The following ZNF396 variants were observed in gnomAD, a reference collection of about 807,000 sequenced individuals.
ZNF396 encodes zinc finger protein 396.
A neutral mutation model predicts 20.5 loss-of-function variants in ZNF396; 14 were observed. The ratio of observed to expected loss-of-function variants is 0.68; its 90% CI spans 0.45 to 1.07. The LOEUF is 1.07. Among genes scored for constraint, ZNF396 ranks in the 50% least tolerant of loss-of-function variants. The probability of loss-of-function intolerance (pLI) is 0.00; values close to 1 mark genes in which losing one functional copy is unlikely to be tolerated. For missense variants in ZNF396, 347 were observed against 390.1 expected (o/e 0.89, Z 0.93); for synonymous variants, 119 against 140.6 (o/e 0.85, Z 1.08).
In ZNF396 at chr18:35,369,223, CT is replaced by C; in HGVS notation, c.999del (p.Val334SerfsTer52). ...TGATTCCCTCATGATACTTATGGGA[CT>C]TTTTTTCTAATGTGTCTTTTCCTAT... ...FRHRKRHIRK[K>X]VP On this transcript the variant is annotated frameshift_variant, in exon 4 of 4. Transcript: ENST00000589332. LOFTEE classifies it high-confidence loss of function. 8 of 1,573,114 alleles carry C rather than the reference CT, an allele frequency of 5.1e-6. No homozygotes were observed. Among genetic ancestry groups the C allele is most frequent in the South Asian group, 1.2e-5 (1 of 85,572 alleles).
chr18:35,373,747 C>T, intron 2 of ZNF396, 129 bp downstream of exon 2: 1 of 1,488,592 alleles, frequency 6.7e-7, no homozygotes, highest in Non-Finnish European at 9.0e-7. Context: ...CTGGGACACC[C>T]ATTAGTACTT....
chr18:35,368,342 G>T lies in ZNF396; in HGVS notation c.*873C>A. ...GCTCTTGTGTGCTTTCATAAGATAAGGCCTTTATTTATCTGCCTCCTGAAA... is the reference window on the plus strand; with the variant it reads ...GCTCTTGTGTGCTTTCATAAGATAATGCCTTTATTTATCTGCCTCCTGAAA... On this transcript the variant is annotated 3_prime_UTR_variant, in exon 4 of 4. Transcript: ENST00000589332. 1 of 1,420,842 alleles carries T rather than the reference G, an allele frequency of 7.0e-7. No individual in the cohort carries two copies. The highest frequency in any genetic ancestry group is 9.3e-7 in the Non-Finnish European group (1 of 1,077,380). The allele number at this position is 1,420,842 out of a possible 1,614,324, so 88.0% of individuals were successfully genotyped here.
At chr18:35,376,669 G>A (rs1343195203) in intron 1 of ZNF396, among the ~76,000 whole-genome samples, 1 of 152,170 alleles carries the variant, frequency 6.6e-6, no homozygotes, top group African/African-American at 2.4e-5. Flanking sequence ...CCGGTTTGGA[G>A]CCGTCAGGTA....
intron 1 of ZNF396, among the ~76,000 whole-genome samples, chr18:35,375,526 A>G (rs562741278): frequency 3.3e-5 from 5 of 152,256 alleles, no homozygotes; most frequent in African/African-American, 1.2e-4. Context: ...TGAGGATCAA[A>G]GGAGAAGAGC....
chr18:35,374,445 A>G lies in ZNF396; in HGVS notation c.-72-81T>C. The G allele has an allele frequency of 1.5e-6, 1 of 672,964 alleles. No individual in the cohort carries two copies. The highest frequency in any genetic ancestry group is 2.0e-5 in the South Asian group (1 of 50,492). The allele number at this position is 672,964 out of a possible 1,614,324, so 41.7% of individuals were successfully genotyped here. ...GAACAAAACAACTAAGATTAGAAAC[A>G]TAAGACTGTATAGGAACTACTGACC... is the stretch of plus-strand genomic sequence containing the variant. On this transcript the variant is annotated intron_variant, in intron 1 of 3. Coordinates refer to ENST00000589332, the MANE Select transcript of ZNF396 (RefSeq NM_001322286.2). The surrounding 1 kb of genome is among the most constrained non-coding windows in gnomAD (Gnocchi z 4.3).
Position 35,373,699 on chromosome 18 carries a change from G to T in ZNF396, c.418-99C>A. The stretch of plus-strand genomic sequence containing the variant: ...CTATGCAAAAAGTATCATGGACACA[G>T]GAAAAGGGAGGGAAAAAGTAGAGCC... On this transcript the variant is annotated intron_variant, in intron 2 of 3. Coordinates refer to ENST00000589332, the MANE Select transcript of ZNF396 (RefSeq NM_001322286.2). The T allele has an allele frequency of 2.6e-6, 4 of 1,522,858 alleles. No homozygotes were observed. In the South Asian group the frequency reaches 5.2e-5, roughly 20 times the overall value. The allele number at this position is 1,522,858 out of a possible 1,614,324, so 94.3% of individuals were successfully genotyped here. A position where few individuals can be genotyped will look rare whatever the true frequency, so the allele number is the denominator to read the frequency against.
At position 35,374,064 on chromosome 18, in the gene ZNF396, A is replaced by C; in HGVS notation, c.229T>G (p.Cys77Gly). 1.2e-6 allele frequency: 2 copies of C among 1,614,212 alleles called. No individual in the cohort carries two copies. The highest frequency in any genetic ancestry group is 8.5e-7 in the Non-Finnish European group (1 of 1,180,032). ...ACTTCCGGCCTCAGCCAGAGATGACAAAGTTCCCAGAGCCGGCTCAGAGCC... is the reference window on the plus strand; with the variant it reads ...ACTTCCGGCCTCAGCCAGAGATGACCAAGTTCCCAGAGCCGGCTCAGAGCC... ...HEALSRLWEL[C>G]HLWLRPEVHT... is the part of the protein sequence containing the mutation. The change falls in exon 2 of 4, where the codon TGT becomes GGT. Residue 77 changes from cysteine (C) to glycine (G), a missense_variant. Coordinates refer to ENST00000589332, the MANE Select transcript of ZNF396 (RefSeq NM_001322286.2). This position sits in a 1 kb window ranked among gnomAD's most constrained non-coding sequence, Gnocchi z 4.3.
rs751718795 is a variant in ZNF396 at position 35,374,034 on chromosome 18, T to C, written c.259A>G (p.Thr87Ala). 2 of 1,614,242 alleles carry C rather than the reference T, an allele frequency of 1.2e-6. No individual in the cohort carries two copies. Among genetic ancestry groups the C allele is most frequent in the South Asian group, 1.1e-5 (1 of 91,084 alleles). Residue 87 changes from threonine (T) to alanine (A), a missense_variant, in exon 2 of 4, where the codon ACC (threonine) becomes GCC (alanine). Thr to Ala is a moderately conservative substitution (Grantham distance 58, BLOSUM62 0). Coordinates refer to ENST00000589332, the MANE Select transcript of ZNF396 (RefSeq NM_001322286.2). The surrounding 1 kb of genome is among the most constrained non-coding windows in gnomAD (Gnocchi z 4.3). ...CHLWLRPEVH[T>A]KEQILELLVL... ...AGCAGCTCCAGGATCTGCTCCTTGG[T>C]GTGCACTTCCGGCCTCAGCCAGAGA...
At position 35,368,601 on chromosome 18, in the gene ZNF396, GT is replaced by G. The variant is rs1567953266; in HGVS notation, c.*613del. On this transcript the variant is annotated 3_prime_UTR_variant, in exon 4 of 4. Coordinates refer to ENST00000589332, the MANE Select transcript of ZNF396 (RefSeq NM_001322286.2). ...CTAGTAGCTGGGATTACAGGTACACGTTGCCATGCCTGGCTAATTTTTTGAA... is the reference window on the plus strand; with the variant it reads ...CTAGTAGCTGGGATTACAGGTACACGTGCCATGCCTGGCTAATTTTTTGAA... 1 of 482,708 alleles carries G rather than the reference GT, an allele frequency of 2.1e-6. No homozygotes were observed. Among genetic ancestry groups the G allele is most frequent in the African/African-American group, 2.1e-5 (1 of 47,792 alleles). 29.9% of individuals were successfully genotyped at this position (482,708 alleles called of 1,614,324 possible).
At position 35,373,579 on chromosome 18, in the gene ZNF396, C is replaced by A. The variant is rs762857777; in HGVS notation, c.439G>T (p.Asp147Tyr). Reference sequence around the variant, plus strand: ...GGTGCTAGCTTCTCTGCAATCATGTCCTTCCTTCGTCCAAAAAAGATCTAA... The same window carrying A: ...GGTGCTAGCTTCTCTGCAATCATGTACTTCCTTCGTCCAAAAAAGATCTAA... ...PKQIFFGRRK[D>Y]MIAEKLAPSE... Residue 147 changes from aspartate to tyrosine, a missense_variant, in exon 3 of 4, where the codon GAC (aspartate) becomes TAC (tyrosine). Coordinates refer to ENST00000589332, the MANE Select transcript of ZNF396 (RefSeq NM_001322286.2). The A allele has an allele frequency of 6.2e-7, 1 of 1,614,020 alleles. No homozygotes were observed. Among genetic ancestry groups the A allele is most frequent in the East Asian group, 2.2e-5 (1 of 44,872 alleles).
At chr18:35,372,163 G>A (rs1475272024) in intron 3 of ZNF396, 2 of 151,938 alleles carry the variant, frequency 1.3e-5, no homozygotes, top group East Asian at 3.9e-4. Flanking sequence ...ATGTAGGAAA[G>A]GCCTCCATGA....
chr18:35,375,433 G>A (rs1480069521), intron 1 of ZNF396, among the ~76,000 whole-genome samples: 1 of 151,890 alleles, frequency 6.6e-6, no homozygotes, highest in African/African-American at 2.4e-5. Context: ...TATAATTAAT[G>A]CTGGGAGGCA....
chr18:35,370,311 C>T (rs2045155720), intron 3 of ZNF396, among the ~76,000 whole-genome samples: 1 of 152,056 alleles, frequency 6.6e-6, no homozygotes, highest in Non-Finnish European at 1.5e-5. Flanking sequence ...TTACATTTAA[C>T]ATCCATGAAA....
chr18:35,376,783 G>GT (rs1266383195), intron 1 of ZNF396, among the ~76,000 whole-genome samples: 1 of 152,210 alleles, frequency 6.6e-6, no homozygotes, highest in Non-Finnish European at 1.5e-5. Context: ...TAAACCTGAG[G>GT]TGAGGGTAAG....
chr18:35,370,012 A>G (rs2045151891), intron 3 of ZNF396, among the ~76,000 whole-genome samples: 1 of 152,236 alleles, frequency 6.6e-6, no homozygotes, highest in African/African-American at 2.4e-5. Context: ...CAGTGGGAGT[A>G]ACAAACAAGA....
chr18:35,374,989 C>T lies in ZNF396; in HGVS notation c.-72-625G>A, dbSNP rs1437588399. Among the ~76,000 whole-genome samples the T allele has an allele frequency of 6.6e-6, 1 of 152,140 alleles. No homozygotes were observed. The highest frequency in any genetic ancestry group is 2.4e-5 in the African/African-American group (1 of 41,424). On this transcript the variant is annotated intron_variant, in intron 1 of 3. Coordinates refer to ENST00000589332, the MANE Select transcript of ZNF396 (RefSeq NM_001322286.2). The surrounding 1 kb of genome is among the most constrained non-coding windows in gnomAD (Gnocchi z 4.3). ...GGAAATAAGGGAAGCCTGAGAAATG[C>T]TCTAACTCTGGAGCCAGTTCAAAGA...
rs760610617 is a variant in ZNF396 at position 35,368,372 on chromosome 18, C to T, written c.*843G>A. On this transcript the variant is annotated 3_prime_UTR_variant, in exon 4 of 4. Transcript: ENST00000589332. ...TTATTTATCTGCCTCCTGAAAGTGACCTGGGGCACTTCAGCCTAGTCTTGA... is the reference window on the plus strand; with the variant it reads ...TTATTTATCTGCCTCCTGAAAGTGATCTGGGGCACTTCAGCCTAGTCTTGA... 8.2e-6 allele frequency: 12 copies of T among 1,456,162 alleles called. No homozygotes were observed. Among genetic ancestry groups the T allele is most frequent in the Non-Finnish European group, 1.1e-5 (12 of 1,098,508 alleles). 90.2% of individuals were successfully genotyped at this position (1,456,162 alleles called of 1,614,324 possible). A position where few individuals can be genotyped will look rare whatever the true frequency, so the allele number is the denominator to read the frequency against.
chr18:35,370,575 G>C (rs992703775), intron 3 of ZNF396, among the ~76,000 whole-genome samples: 149 of 140,588 alleles, frequency 1.1e-3, no homozygotes, highest in Non-Finnish European at 1.9e-3. Context: ...TGCAGTGGCG[G>C]GATCTCGGCT....
At position 35,374,095 on chromosome 18, in the gene ZNF396, G is replaced by A; in HGVS notation, c.198C>T (p.Pro66=). The change falls in exon 2 of 4, where the codon CCC becomes CCT. Residue 66 remains proline, a synonymous_variant. Coordinates refer to ENST00000589332, the MANE Select transcript of ZNF396 (RefSeq NM_001322286.2). This position sits in a 1 kb window ranked among gnomAD's most constrained non-coding sequence, Gnocchi z 4.3. ...CCCAGAGCCGGCTCAGAGCCTCATG[G>A]GGCCCAGGTGAATCCTGGTAGCCAA... ...RQFGYQDSPG[P]HEALSRLWEL... 1 of 1,614,228 alleles carries A rather than the reference G, an allele frequency of 6.2e-7. No homozygotes were observed.
Sources: allele counts gnomAD v4.1 joint callset (sites outside exome capture counted in the v4.1 genomes callset), GRCh38; gene constraint gnomAD v4.1.1; non-coding constraint Gnocchi (gnomAD v3.1); transcripts MANE v1.5; gene names NCBI Gene and HGNC (gene_info 2026-07-23, HGNC 2026-07-21).